Variants in CSGALNACT1 observed in about 807,000 individuals in gnomAD.
CSGALNACT1 encodes the protein beta4GalNAcT-1.
Under a neutral mutation model 51.0 loss-of-function variants are expected in CSGALNACT1, and 52 were observed. The observed-to-expected ratio is 1.02, with a 90% CI of 0.82 to 1.29. The LOEUF (loss-of-function observed/expected upper bound fraction) is 1.29, where lower values mean the gene tolerates loss of function less well. Among genes scored for constraint, CSGALNACT1 ranks in the 50% most tolerant of loss-of-function variants. The probability of loss-of-function intolerance (pLI) is 0.00; values close to 1 mark genes in which losing one functional copy is unlikely to be tolerated. For missense variants in CSGALNACT1, 935 were observed against 679.2 expected (o/e 1.38, Z -4.19); for synonymous variants, 341 against 254.4 (o/e 1.34, Z -3.24).
rs11996479 is a variant in CSGALNACT1 at position 19,450,829 on chromosome 8, G to A, written c.851+7597C>T. 2.0e-5 allele frequency among the ~76,000 whole-genome samples: 3 copies of A among 151,834 alleles called. No individual in the cohort carries two copies. The South Asian group carries it at 6.2e-4, about 32-fold the overall frequency. ...GGAGTCTGAGGGGGGAGGATCACTGGAGCCCAGGAGTTTGAGGCTGCAGTG... is the reference window on the plus strand; with the variant it reads ...GGAGTCTGAGGGGGGAGGATCACTGAAGCCCAGGAGTTTGAGGCTGCAGTG... On this transcript the variant is annotated intron_variant, in intron 5 of 9. Transcript: ENST00000454498.
intron 3 of CSGALNACT1, among the ~76,000 whole-genome samples, chr8:19,590,885 A>C (rs1249306664): frequency 6.6e-6 from 1 of 151,964 alleles, no homozygotes; most frequent in Non-Finnish European, 1.5e-5. Flanking sequence ...TCGTGACCTC[A>C]AGTGATCTGC....
chr8:19,756,148 G>C (rs879635158), intron 1 of CSGALNACT1, among the ~76,000 whole-genome samples: 1 of 152,018 alleles, frequency 6.6e-6, no homozygotes, highest in Non-Finnish European at 1.5e-5. Context: ...ACTGTTGCAA[G>C]TAACACCAAG....
chr8:19,585,085 G>C (rs762504185), intron 3 of CSGALNACT1: 1 of 152,178 alleles, frequency 6.6e-6, no homozygotes, highest in Non-Finnish European at 1.5e-5. Context: ...ACTTCCCAGG[G>C]TTATTAAAGA....
chr8:19,460,421 T>C (rs1186094648), intron 4 of CSGALNACT1, among the ~76,000 whole-genome samples: 1 of 152,224 alleles, frequency 6.6e-6, no homozygotes, highest in Non-Finnish European at 1.5e-5. Flanking sequence ...GGGAAAAACA[T>C]ACAATAGCTA....
chr8:19,674,486 T>G (rs1006839068), intron 1 of CSGALNACT1, among the ~76,000 whole-genome samples: 4 of 151,714 alleles, frequency 2.6e-5, no homozygotes, highest in Admixed American at 2.6e-4. Context: ...GATTCAAAGG[T>G]GAAGGCGACT....
intron 4 of CSGALNACT1, among the ~76,000 whole-genome samples, chr8:19,493,830 T>C (rs895181743): frequency 3.3e-5 from 5 of 151,958 alleles, no homozygotes; most frequent in African/African-American, 7.3e-5. Context: ...AGTTAATGTG[T>C]GTTTTCATTT....
At chr8:19,507,652 CAG>C (rs2077623306) in intron 3 of CSGALNACT1, among the ~76,000 whole-genome samples, 1 of 151,340 alleles carries the variant, frequency 6.6e-6, no homozygotes. Flanking sequence ...TTTGTCGAGA[CAG>C]AGTCTCGCTC....
chr8:19,624,825 T>A (rs1044937976), intron 1 of CSGALNACT1, among the ~76,000 whole-genome samples: 2 of 152,074 alleles, frequency 1.3e-5, no homozygotes, highest in African/African-American at 4.8e-5. Context: ...ATTATAGGCA[T>A]ACACCACCAC....
At chr8:19,413,168 T>G (rs530168704) in intron 8 of CSGALNACT1, among the ~76,000 whole-genome samples, 1 of 152,316 alleles carries the variant, frequency 6.6e-6, no homozygotes, top group Non-Finnish European at 1.5e-5. Context: ...ACACATTGTG[T>G]CTTCAAGGGA....
rs369450598 is a variant in CSGALNACT1, at chr8:19,544,441, ATTT to A, written c.-296-38314_-296-38312del. Among the ~76,000 whole-genome samples the A allele has an allele frequency of 6.4e-4, 98 of 152,334 alleles. No homozygotes were observed. The Middle Eastern group carries it at 0.017, about 26-fold the overall frequency. On this transcript the variant is annotated intron_variant, in intron 3 of 9. Transcript: ENST00000454498. ...AAACTTAGATGTTTAAGAGTATGACATTTTTATTTTTTTCTCCAATGCTGAAGG... is the reference window on the plus strand; with the variant it reads ...AAACTTAGATGTTTAAGAGTATGACATTATTTTTTTCTCCAATGCTGAAGG...
upstream of CSGALNACT1, among the ~76,000 whole-genome samples, chr8:19,606,241 G>T (rs1412855483): frequency 6.6e-6 from 1 of 152,176 alleles, no homozygotes; most frequent in African/African-American, 2.4e-5. Flanking sequence ...TTGTGCATAT[G>T]TGGCTAATTT....
intron 4 of CSGALNACT1, among the ~76,000 whole-genome samples, chr8:19,472,044 C>A (rs1446241470): frequency 2.0e-5 from 3 of 152,154 alleles, no homozygotes; most frequent in Non-Finnish European, 4.4e-5. Context: ...ATCATCTTAC[C>A]TTAAGACACC....
chr8:19,532,895 A>C (rs1346948176), intron 3 of CSGALNACT1, among the ~76,000 whole-genome samples: 1 of 152,174 alleles, frequency 6.6e-6, no homozygotes, highest in Non-Finnish European at 1.5e-5. Flanking sequence ...CTGCTTATCC[A>C]CCGGACTCAG....
exon 1 of CSGALNACT1, chr8:19,682,555 C>T (rs1589490825): frequency 1.1e-5 from 5 of 445,548 alleles, no homozygotes; most frequent in Admixed American, 2.4e-5. Flanking sequence ...GCTGTCAGTA[C>T]TCTACTCCCA....
chr8:19,683,096 A>T (rs60737109), upstream of CSGALNACT1: 3 of 226,708 alleles, frequency 1.3e-5, no homozygotes, highest in East Asian at 3.1e-4. Flanking sequence ...GTGCGATCAC[A>T]GGACATAATG....
intron 4 of CSGALNACT1, among the ~76,000 whole-genome samples, chr8:19,476,451 A>G (rs1414041196): frequency 6.6e-6 from 1 of 152,148 alleles, no homozygotes; most frequent in Non-Finnish European, 1.5e-5. Flanking sequence ...CATGTTGGCC[A>G]AGCTGGTCTG....
intron 3 of CSGALNACT1, among the ~76,000 whole-genome samples, chr8:19,584,332 T>C (rs1019587947): frequency 6.6e-6 from 1 of 152,206 alleles, no homozygotes; most frequent in African/African-American, 2.4e-5. Flanking sequence ...TTAATATTAC[T>C]CATACTGGGC....
At chr8:19,702,225 C>T (rs1010408120) in intron 1 of CSGALNACT1, among the ~76,000 whole-genome samples, 1 of 152,148 alleles carries the variant, frequency 6.6e-6, no homozygotes, top group African/African-American at 2.4e-5. Context: ...TTCAGTGGAT[C>T]CCTAGAGCCA....
At chr8:19,507,575 C>G (rs1587484364) in intron 3 of CSGALNACT1, among the ~76,000 whole-genome samples, 1 of 140,492 alleles carries the variant, frequency 7.1e-6, no homozygotes, top group South Asian at 2.3e-4. Context: ...GAAAATAGAC[C>G]AAATAGAATT....
Sources: gnomAD v4.1 joint callset for allele counts (sites outside exome capture counted in the v4.1 genomes callset) on GRCh38, gnomAD v4.1.1 for gene constraint, MANE v1.5 for transcripts, NCBI Gene and HGNC (gene_info 2026-07-23, HGNC 2026-07-21) for gene names.